Variants in APBB2 observed in about 807,000 individuals in gnomAD.
APBB2 encodes amyloid beta precursor protein binding family B member 2.
In APBB2, 38 loss-of-function variants were observed where a neutral mutation model predicts 82.5. That is an observed-to-expected ratio of 0.46 (90% CI 0.36 to 0.60). The LOEUF is 0.60. Ranked by LOEUF, APBB2 falls within the 20% of genes least tolerant of loss-of-function variation. The pLI is 0.00. For missense variants in APBB2, 772 were observed against 972.3 expected, an observed-to-expected ratio of 0.79 and a Z score of 2.74; for synonymous variants, 341 against 368.2, an observed-to-expected ratio of 0.93 and a Z score of 0.85.
At chr4:41,031,285 G>A (rs1388775081) in intron 5 of APBB2, among the ~76,000 whole-genome samples, 2 of 152,096 alleles carry the variant, frequency 1.3e-5, no homozygotes, top group African/African-American at 2.4e-5. Flanking sequence ...TTTAAAAGAT[G>A]TCCCTGTAGT....
chr4:40,981,853 C>T (rs1798556404), intron 6 of APBB2, among the ~76,000 whole-genome samples: 1 of 152,122 alleles, frequency 6.6e-6, no homozygotes, highest in Non-Finnish European at 1.5e-5. Context: ...CATCCCAGCA[C>T]TTTGAGAGGC....
intron 12 of APBB2, among the ~76,000 whole-genome samples, chr4:40,886,277 A>C (rs978260488): frequency 1.3e-5 from 2 of 152,202 alleles, no homozygotes; most frequent in Non-Finnish European, 2.9e-5. Flanking sequence ...TCAGGAGTTC[A>C]AGACCAGCCT....
At chr4:41,044,359 G>C (rs1722613719) in intron 4 of APBB2, among the ~76,000 whole-genome samples, 1 of 152,080 alleles carries the variant, frequency 6.6e-6, no homozygotes, top group Non-Finnish European at 1.5e-5. Flanking sequence ...TTTTTGGCCA[G>C]TAGGAGCCTC....
At chr4:40,847,406 G>C (rs955639669) in intron 12 of APBB2, among the ~76,000 whole-genome samples, 9 of 152,232 alleles carry the variant, frequency 5.9e-5, no homozygotes, top group African/African-American at 2.2e-4. Context: ...AGGTTGCAGT[G>C]AGCTGAGATC....
chr4:41,021,860 C>G (rs57620343), intron 5 of APBB2, among the ~76,000 whole-genome samples: 6,972 of 152,138 alleles, frequency 0.046, 341 homozygotes, highest in African/African-American at 0.12. Flanking sequence ...CTTCATTCCT[C>G]AAGTCAGCAA....
At chr4:40,912,156 C>G (rs1778734104) in intron 10 of APBB2, among the ~76,000 whole-genome samples, 1 of 152,166 alleles carries the variant, frequency 6.6e-6, no homozygotes, top group Admixed American at 6.5e-5. Context: ...GGATGGGAAC[C>G]TGTGGAAAGA....
chr4:40,946,232 C>CAAAAAAAAAAAAAAAAA (rs55995119), intron 6 of APBB2, among the ~76,000 whole-genome samples: 2 of 78,700 alleles, frequency 2.5e-5, no homozygotes, highest in Non-Finnish European at 4.8e-5. Flanking sequence ...ACTCTATCTC[C>CAAAAAAAAAAAAAAAAA]AAAAAAAAAA....
intron 6 of APBB2, among the ~76,000 whole-genome samples, chr4:40,981,237 C>T (rs996936968): frequency 2.6e-5 from 4 of 151,846 alleles, no homozygotes; most frequent in Non-Finnish European, 5.9e-5. Flanking sequence ...ACCCCATCTC[C>T]ACTAAAAATA....
intron 10 of APBB2, among the ~76,000 whole-genome samples, chr4:40,913,207 T>TG (rs968314088): frequency 2.0e-5 from 3 of 152,064 alleles, no homozygotes; most frequent in African/African-American, 7.2e-5. Context: ...CCCGCCAGTC[T>TG]GGGGGGTCAG....
At chr4:41,032,494 C>G (rs1468805828) in intron 5 of APBB2, among the ~76,000 whole-genome samples, 1 of 149,632 alleles carries the variant, frequency 6.7e-6, no homozygotes, top group East Asian at 1.9e-4. Flanking sequence ...AGAATACATT[C>G]AGTATTGGGG....
intron 1 of APBB2, among the ~76,000 whole-genome samples, chr4:41,209,043 A>AGTTGTG (rs1358897220): frequency 6.6e-6 from 1 of 152,096 alleles, no homozygotes; most frequent in Non-Finnish European, 1.5e-5. Flanking sequence ...CTTCCTGCCC[A>AGTTGTG]GTTGTGTGAC....
intron 10 of APBB2, among the ~76,000 whole-genome samples, chr4:40,915,711 G>C (rs1578405340): frequency 1.3e-5 from 2 of 151,978 alleles, no homozygotes; most frequent in Non-Finnish European, 2.9e-5. Context: ...CCCAACCCCA[G>C]AGAGAAGATT....
At chr4:40,861,269 G>T (rs1369627197) in intron 12 of APBB2, among the ~76,000 whole-genome samples, 2 of 152,022 alleles carry the variant, frequency 1.3e-5, no homozygotes, top group African/African-American at 4.8e-5. Context: ...AGAATCACTT[G>T]AACTTGGGAG....
rs541382382 is a variant in APBB2, at chr4:40,823,526, C to G, written c.1932+118G>C. 80 of 703,110 alleles carry G rather than the reference C, an allele frequency of 1.1e-4. No individual in the cohort carries two copies. In the East Asian group the frequency reaches 2.0e-3, roughly 17 times the overall value. The allele number at this position is 703,110 out of a possible 1,614,324, so 43.6% of individuals were successfully genotyped here. A position where few individuals can be genotyped will look rare whatever the true frequency, so the allele number is the denominator to read the frequency against. ...GCCAAATCTTTCAAATGTAGGCCATCTTAATCACAAGGATGCACAACTCCG... is the reference window on the plus strand; with the variant it reads ...GCCAAATCTTTCAAATGTAGGCCATGTTAATCACAAGGATGCACAACTCCG... On this transcript the variant is annotated intron_variant, in intron 16 of 17. Transcript: ENST00000508593.
At chr4:41,170,701 G>C (rs549069355) in intron 1 of APBB2, among the ~76,000 whole-genome samples, 1 of 152,046 alleles carries the variant, frequency 6.6e-6, no homozygotes, top group East Asian at 1.9e-4. Flanking sequence ...ACCTTAACTG[G>C]CAAAATTTGT....
In APBB2 at chr4:40,972,301, G is replaced by A. The variant is rs578205685; in HGVS notation, c.836-27228C>T. ...AAATTAGCCAGGCGTGGTGGCGGGC[G>A]CCTGTAATCCCAGCTACTCGGGAGG... On this transcript the variant is annotated intron_variant, in intron 6 of 17. Transcript: ENST00000508593. Among the ~76,000 whole-genome samples the A allele has an allele frequency of 1.6e-3, 238 of 151,974 alleles. 1 individual carries two copies. Among genetic ancestry groups the A allele is most frequent in the African/African-American group, 5.4e-3 (223 of 41,480 alleles).
intron 10 of APBB2, among the ~76,000 whole-genome samples, chr4:40,920,214 G>A (rs1482087433): frequency 6.6e-6 from 1 of 152,120 alleles, no homozygotes; most frequent in Non-Finnish European, 1.5e-5. Context: ...CACGAGATCT[G>A]ATGGTTTTAT....
intron 13 of APBB2, among the ~76,000 whole-genome samples, chr4:40,828,266 G>A (rs535626243): frequency 6.6e-6 from 1 of 152,318 alleles, no homozygotes; most frequent in Admixed American, 6.5e-5. Flanking sequence ...TTACTTAAGA[G>A]TAAAGCACTT....
intron 3 of APBB2, among the ~76,000 whole-genome samples, chr4:41,092,314 T>C (rs977787423): frequency 1.3e-5 from 2 of 152,230 alleles, no homozygotes. Flanking sequence ...AGACTGAAGC[T>C]TTCTTGCAGG....
Sources: allele counts gnomAD v4.1 joint callset (sites outside exome capture counted in the v4.1 genomes callset), GRCh38; gene constraint gnomAD v4.1.1; transcripts MANE v1.5; gene names NCBI Gene and HGNC (gene_info 2026-07-23, HGNC 2026-07-21).